The following NOC3L variants were observed in gnomAD, a reference collection of about 807,000 sequenced individuals.
NOC3L encodes NOC3 like DNA replication regulator.
NOC3L carries 85 observed loss-of-function variants against 102.5 expected under a neutral mutation model. The observed-to-expected ratio is 0.83, with a 90% CI of 0.70 to 0.99. NOC3L has a LOEUF of 0.99. NOC3L is among the 50% of genes least tolerant of loss of function. The pLI is 0.00. For missense variants in NOC3L, 878 were observed against 914.9 expected, an observed-to-expected ratio of 0.96 and a Z score of 0.52; for synonymous variants, 303 against 309.4, an observed-to-expected ratio of 0.98 and a Z score of 0.22.
In NOC3L at chr10:94,352,959, T is replaced by A; in HGVS notation, c.795A>T (p.Leu265Phe). The A allele has an allele frequency of 6.2e-7, 1 of 1,613,928 alleles. No individual in the cohort carries two copies. The highest frequency in any genetic ancestry group is 8.5e-7 in the Non-Finnish European group (1 of 1,179,802). ...RKLVIVSLME[L>F]FKDITPSYKI... Reference sequence around the variant, plus strand: ...TATATGAAGGAGTAATATCTTTAAATAACTCCATCAGAGAAACAATTACCA... The same window carrying A: ...TATATGAAGGAGTAATATCTTTAAAAAACTCCATCAGAGAAACAATTACCA... The change falls in exon 7 of 21, where the codon TTA (leucine) becomes TTT (phenylalanine). Residue 265 changes from leucine (L) to phenylalanine (F), a missense_variant. Transcript: ENST00000371361.
At chr10:94,344,158 G>C (rs2054316931) in intron 13 of NOC3L, among the ~76,000 whole-genome samples, 1 of 152,208 alleles carries the variant, frequency 6.6e-6, no homozygotes, top group African/African-American at 2.4e-5. Context: ...CAAGAACTGA[G>C]AGATTTAACC....
the NOC3L span, chr10:94,322,125 T>C: frequency 7.0e-7 from 1 of 1,426,272 alleles, no homozygotes. Context: ...CAAATGTCTG[T>C]GCACTGATGG....
At chr10:94,330,289 G>C (rs1021322632), downstream of NOC3L, 2 of 152,246 alleles carry the variant, frequency 1.3e-5, no homozygotes, top group Non-Finnish European at 2.9e-5. Context: ...TGCCTAGGTT[G>C]CATCCCAATT....
At chr10:94,357,421 C>T (rs2054501886) in intron 3 of NOC3L, 90 bp from the exon 4 acceptor site, 1 of 1,196,750 alleles carries the variant, frequency 8.4e-7, no homozygotes, top group Admixed American at 3.3e-5. Flanking sequence ...GAAAAACCAC[C>T]AGCCAACTTT....
the NOC3L span, among the ~76,000 whole-genome samples, chr10:94,323,184 C>T: frequency 1.3e-5 from 2 of 152,136 alleles, no homozygotes; most frequent in African/African-American, 2.4e-5. Flanking sequence ...CTACTCTGAT[C>T]CTCTCCCCTC....
chr10:94,334,423 T>G (rs1195129924), intron 20 of NOC3L, 118 bp from the exon 21 acceptor site: 2 of 691,780 alleles, frequency 2.9e-6, no homozygotes, highest in Non-Finnish European at 4.9e-6. Context: ...CAATGACAGA[T>G]GCTTGGTAAG....
At chr10:94,327,270 A>AAAAG in the NOC3L span, among the ~76,000 whole-genome samples, 1 of 152,026 alleles carries the variant, frequency 6.6e-6, no homozygotes, top group Non-Finnish European at 1.5e-5. Context: ...GAGCACTTGT[A>AAAAG]AAAGAAAAGA....
intron 19 of NOC3L, among the ~76,000 whole-genome samples, chr10:94,336,778 G>A (rs2054223439): frequency 1.3e-5 from 2 of 151,116 alleles, no homozygotes; most frequent in African/African-American, 4.9e-5. Flanking sequence ...TTAAAAAAAG[G>A]TAATTACTGG....
At position 94,352,577 on chromosome 10, in the gene NOC3L, T is replaced by C. The variant is rs7092351; in HGVS notation, c.859-174A>G. Among the ~76,000 whole-genome samples the C allele has an allele frequency of 0.036, 5,509 of 152,226 alleles. 335 individuals are homozygous for C. The highest frequency in any genetic ancestry group is 0.12 in the African/African-American group (4,915 of 41,510). On this transcript the variant is annotated intron_variant, in intron 7 of 20. Coordinates refer to ENST00000371361, the MANE Select transcript of NOC3L (RefSeq NM_022451.11). ...TGGCTCATGCCTGTAATCTCAGCAC[T>C]TTGTGAGGCAGAGGCGGGTAGATCA...
chr10:94,350,751 C>A (rs931084397), intron 8 of NOC3L, among the ~76,000 whole-genome samples: 1 of 149,396 alleles, frequency 6.7e-6, no homozygotes. Flanking sequence ...GAAAAAAAGA[C>A]TTCATAATGG....
At chr10:94,346,948 C>G (rs1348903911) in intron 10 of NOC3L, among the ~76,000 whole-genome samples, 1 of 152,136 alleles carries the variant, frequency 6.6e-6, no homozygotes, top group Non-Finnish European at 1.5e-5. Flanking sequence ...TTTAGTAGGT[C>G]TGAGTTGAGC....
At chr10:94,357,394 A>G (rs1433828593) in intron 3 of NOC3L, 63 bp from the exon 4 acceptor site, 1 of 1,374,956 alleles carries the variant, frequency 7.3e-7, no homozygotes, top group East Asian at 2.5e-5. Flanking sequence ...CTAGAGACCT[A>G]TCATTTCAAA....
At chr10:94,324,489 T>TC in the NOC3L span, 1 of 1,614,196 alleles carries the variant, frequency 6.2e-7, no homozygotes, top group Non-Finnish European at 8.5e-7. Context: ...TCCTTCTGGA[T>TC]CAGGAGTGTG....
chr10:94,348,959 C>T (rs1035691136), intron 10 of NOC3L, among the ~76,000 whole-genome samples: 3 of 151,928 alleles, frequency 2.0e-5, no homozygotes, highest in Non-Finnish European at 4.4e-5. Context: ...TATGTAAGTT[C>T]ACAATATAGA....
At chr10:94,353,811 C>T (rs1010775907) in intron 6 of NOC3L, among the ~76,000 whole-genome samples, 1 of 152,158 alleles carries the variant, frequency 6.6e-6, no homozygotes, top group Non-Finnish European at 1.5e-5. Context: ...ATGTTATATA[C>T]ATTAACCAAA....
chr10:94,357,831 C>G (rs184685571), intron 3 of NOC3L: 93 of 446,776 alleles, frequency 2.1e-4, no homozygotes, highest in African/African-American at 1.7e-3. Flanking sequence ...GCCACTACCT[C>G]AAAGTGAGAA....
chr10:94,325,038 G>C, the NOC3L span: 1 of 1,614,180 alleles, frequency 6.2e-7, no homozygotes, highest in Non-Finnish European at 8.5e-7. Context: ...AGAAACCTGT[G>C]GGTGGCTTGT....
chr10:94,354,925 C>T (rs1276175958), intron 6 of NOC3L, 38 bp downstream of exon 6: 2 of 1,598,732 alleles, frequency 1.3e-6, no homozygotes, highest in Non-Finnish European at 1.7e-6. Context: ...TTACACCATA[C>T]CTAATACAAA....
chr10:94,359,134 G>A (rs558552675), intron 2 of NOC3L, among the ~76,000 whole-genome samples: 3 of 152,154 alleles, frequency 2.0e-5, no homozygotes, highest in African/African-American at 4.8e-5. Context: ...ATTAAAACTC[G>A]TAAATCTTGG....
Sources: allele counts gnomAD v4.1 joint callset (sites outside exome capture counted in the v4.1 genomes callset), GRCh38; gene constraint gnomAD v4.1.1; transcripts MANE v1.5; gene names NCBI Gene and HGNC (gene_info 2026-07-23, HGNC 2026-07-21).